Variants in PPIB observed in about 807,000 individuals in gnomAD.
PPIB encodes peptidylprolyl isomerase B.
A neutral mutation model predicts 20.1 loss-of-function variants in PPIB; 15 were observed. The ratio of observed to expected loss-of-function variants is 0.75; its 90% CI spans 0.50 to 1.15. The LOEUF (loss-of-function observed/expected upper bound fraction) is 1.15, where lower values mean the gene tolerates loss of function less well. Ranked by LOEUF, PPIB falls within the 50% of genes most tolerant of loss-of-function variation. The probability of loss-of-function intolerance (pLI) is 0.00; values close to 1 mark genes in which losing one functional copy is unlikely to be tolerated. For missense variants in PPIB, 278 were observed against 283.0 expected (o/e 0.98, Z 0.13); for synonymous variants, 129 against 111.0 (o/e 1.16, Z -1.02).
At position 64,161,955 on chromosome 15, in the gene PPIB, G is replaced by A; in HGVS notation, c.249+86C>T. 2.1e-6 allele frequency: 2 copies of A among 946,062 alleles called. No individual in the cohort carries two copies. Among genetic ancestry groups the A allele is most frequent in the Non-Finnish European group, 3.5e-6 (2 of 572,282 alleles). 58.6% of individuals were successfully genotyped at this position (946,062 alleles called of 1,614,324 possible). On this transcript the variant is annotated intron_variant, in intron 2 of 4. Coordinates refer to ENST00000300026, the MANE Select transcript of PPIB (RefSeq NM_000942.5). The surrounding 1 kb of genome is among the most constrained non-coding windows in gnomAD (Gnocchi z 4.2). ...CTCAGTGAGGTCCACGCTACAGATCGGCTGAACTCTGCAGGTCAGTTTGCT... is the reference window on the plus strand; with the variant it reads ...CTCAGTGAGGTCCACGCTACAGATCAGCTGAACTCTGCAGGTCAGTTTGCT...
At position 64,158,336 on chromosome 15, in the gene PPIB, G is replaced by C. The variant is rs1261835712; in HGVS notation, c.344-1427C>G. Among the ~76,000 whole-genome samples, 1 of 152,158 alleles carries C rather than the reference G, an allele frequency of 6.6e-6. No homozygotes were observed. The highest frequency in any genetic ancestry group is 6.6e-5 in the Admixed American group (1 of 15,266). On this transcript the variant is annotated intron_variant, in intron 3 of 4. Transcript: ENST00000300026. This position sits in a 1 kb window ranked among gnomAD's most constrained non-coding sequence, Gnocchi z 4.7. ...TTACATATTTAACAATCCACTCTATGAGGAGGAGCTAACTCCACTTCAAAG... is the reference window on the plus strand; with the variant it reads ...TTACATATTTAACAATCCACTCTATCAGGAGGAGCTAACTCCACTTCAAAG...
chr15:64,161,273 ATTAAT>A lies in PPIB; in HGVS notation c.249+763_249+767del, dbSNP rs1455355130. ...TACTGCGCCCGGCCTTTTATTTTTA[ATTAAT>A]TTATTTTTTTTTTGAGACAGGGTCT... On this transcript the variant is annotated intron_variant, in intron 2 of 4. Transcript: ENST00000300026. The surrounding 1 kb of genome is among the most constrained non-coding windows in gnomAD (Gnocchi z 4.2). Among the ~76,000 whole-genome samples, 1 of 151,024 alleles carries A rather than the reference ATTAAT, an allele frequency of 6.6e-6. No individual in the cohort carries two copies. The highest frequency in any genetic ancestry group is 1.5e-5 in the Non-Finnish European group (1 of 67,714).
chr15:64,160,111 G>A lies in PPIB; in HGVS notation c.336C>T (p.Gly112=), dbSNP rs868257669. The change falls in exon 3 of 5, where the codon GGC becomes GGT. Residue 112 remains glycine (G), a synonymous_variant. Coordinates refer to ENST00000300026, the MANE Select transcript of PPIB (RefSeq NM_000942.5). The surrounding 1 kb of genome is among the most constrained non-coding windows in gnomAD (Gnocchi z 4.8). ...IQGGDFTRGD[G]TGGKSIYGER... is the part of the protein sequence containing the mutation. Reference sequence around the variant, plus strand: ...CAGAGGACCTGTGGTTACCTCCTGTGCCATCTCCCCTGGTGAAGTCTCCGC... The same window carrying A: ...CAGAGGACCTGTGGTTACCTCCTGTACCATCTCCCCTGGTGAAGTCTCCGC... 2.5e-6 allele frequency: 4 copies of A among 1,612,398 alleles called. No individual in the cohort carries two copies. In the Middle Eastern group the frequency reaches 6.6e-4, roughly 266 times the overall value.
chr15:64,161,742 T>C lies in PPIB; in HGVS notation c.249+299A>G, dbSNP rs2081564740. 6.6e-6 allele frequency among the ~76,000 whole-genome samples: 1 copy of C among 150,964 alleles called. No homozygotes were observed. On this transcript the variant is annotated intron_variant, in intron 2 of 4. Coordinates refer to ENST00000300026, the MANE Select transcript of PPIB (RefSeq NM_000942.5). The surrounding 1 kb of genome is among the most constrained non-coding windows in gnomAD (Gnocchi z 4.2). ...CTCCGTCTCAAAAAAAAAAAAAAATTTGCGGGGGTAGAGACAGGGTCTTGC... is the reference window on the plus strand; with the variant it reads ...CTCCGTCTCAAAAAAAAAAAAAAATCTGCGGGGGTAGAGACAGGGTCTTGC...
At position 64,155,954 on chromosome 15, in the gene PPIB, A is replaced by C; in HGVS notation, c.*69T>G. The C allele has an allele frequency of 4.3e-6, 7 of 1,611,564 alleles. No homozygotes were observed. The highest frequency in any genetic ancestry group is 5.9e-6 in the Non-Finnish European group (7 of 1,179,078). On this transcript the variant is annotated 3_prime_UTR_variant, in exon 5 of 5. Coordinates refer to ENST00000300026, the MANE Select transcript of PPIB (RefSeq NM_000942.5). Reference sequence around the variant, plus strand: ...CAGATGCCAGCACCGGGGCCAGTGCAGCTCAGAGCCCTGTGGCGGACTACA... The same window carrying C: ...CAGATGCCAGCACCGGGGCCAGTGCCGCTCAGAGCCCTGTGGCGGACTACA...
Position 64,155,990 on chromosome 15 carries a change from A to G in PPIB, c.*33T>C. The G allele has an allele frequency of 1.2e-6, 2 of 1,614,018 alleles. No individual in the cohort carries two copies. Among genetic ancestry groups the G allele is most frequent in the Admixed American group, 1.7e-5 (1 of 60,032 alleles). On this transcript the variant is annotated 3_prime_UTR_variant, in exon 5 of 5. Coordinates refer to ENST00000300026, the MANE Select transcript of PPIB (RefSeq NM_000942.5). Reference sequence around the variant, plus strand: ...CTGTGGCGGACTACAGGGCCTGCACAGACGGTCACTCAAAGAAAGATGTCC... The same window carrying G: ...CTGTGGCGGACTACAGGGCCTGCACGGACGGTCACTCAAAGAAAGATGTCC...
chr15:64,158,733 G>A lies in PPIB; in HGVS notation c.343+1371C>T, dbSNP rs574060423. Among the ~76,000 whole-genome samples, 10 of 152,302 alleles carry A rather than the reference G, an allele frequency of 6.6e-5. No individual in the cohort carries two copies. The highest frequency in any genetic ancestry group is 2.4e-4 in the African/African-American group (10 of 41,582). On this transcript the variant is annotated intron_variant, in intron 3 of 4. Coordinates refer to ENST00000300026, the MANE Select transcript of PPIB (RefSeq NM_000942.5). This position sits in a 1 kb window ranked among gnomAD's most constrained non-coding sequence, Gnocchi z 4.7. ...CAAGCTCCTGCCACAGAACAGCACC[G>A]GGCTCATGCCCTAACCCTGCCTCTT... is the stretch of plus-strand genomic sequence containing the variant.
At position 64,162,835 on chromosome 15, in the gene PPIB, C is replaced by G; in HGVS notation, c.135+17G>C. ...GCCCGAGCTCCGGCACCGTAAATGC[C>G]GCGGACTCCACCGGACCTTGACGGT... On this transcript the variant is annotated intron_variant, in intron 1 of 4. Transcript: ENST00000300026. The G allele has an allele frequency of 1.9e-6, 3 of 1,608,192 alleles. No individual in the cohort carries two copies. The highest frequency in any genetic ancestry group is 2.2e-5 in the East Asian group (1 of 44,608).
rs2081538239 is a variant in PPIB at position 64,157,018 on chromosome 15, T to A, written c.344-109A>T. ...ACCTGTCCTCTGTGCCAGGCTAGGC[T>A]GGAGTGGACTACAAGGACATAAAAG... On this transcript the variant is annotated intron_variant, in intron 3 of 4. Transcript: ENST00000300026. The surrounding 1 kb of genome is among the most constrained non-coding windows in gnomAD (Gnocchi z 4.2). 1.7e-6 allele frequency: 2 copies of A among 1,167,280 alleles called. No individual in the cohort carries two copies. Among genetic ancestry groups the A allele is most frequent in the Admixed American group, 4.3e-5 (2 of 46,702 alleles). 72.3% of individuals were successfully genotyped at this position (1,167,280 alleles called of 1,614,324 possible).
chr15:64,156,535 A>G lies in PPIB; in HGVS notation c.528+190T>C, dbSNP rs899749857. On this transcript the variant is annotated intron_variant, in intron 4 of 4. Coordinates refer to ENST00000300026, the MANE Select transcript of PPIB (RefSeq NM_000942.5). This position sits in a 1 kb window ranked among gnomAD's most constrained non-coding sequence, Gnocchi z 6.4. ...GTGCAGCCTTCCTGGCTGGGCTCTG[A>G]GGGGGCTGGAAGAATTTAGAACCTT... 6.6e-6 allele frequency: 5 copies of G among 757,496 alleles called. 1 individual carries two copies. Among genetic ancestry groups the G allele is most frequent in the Non-Finnish European group, 6.7e-6 (3 of 445,422 alleles). The allele number at this position is 757,496 out of a possible 1,614,324, so 46.9% of individuals were successfully genotyped here. A position where few individuals can be genotyped will look rare whatever the true frequency, so the allele number is the denominator to read the frequency against.
chr15:64,157,016 G>T lies in PPIB; in HGVS notation c.344-107C>A. The T allele has an allele frequency of 2.5e-6, 3 of 1,199,530 alleles. No individual in the cohort carries two copies. Among genetic ancestry groups the T allele is most frequent in the Non-Finnish European group, 3.6e-6 (3 of 843,230 alleles). 74.3% of individuals were successfully genotyped at this position (1,199,530 alleles called of 1,614,324 possible). ...TAACCTGTCCTCTGTGCCAGGCTAG[G>T]CTGGAGTGGACTACAAGGACATAAA... On this transcript the variant is annotated intron_variant, in intron 3 of 4. Coordinates refer to ENST00000300026, the MANE Select transcript of PPIB (RefSeq NM_000942.5). The surrounding 1 kb of genome is among the most constrained non-coding windows in gnomAD (Gnocchi z 4.2).
In PPIB at chr15:64,155,833, ACC is replaced by A; in HGVS notation, c.*188_*189del. Reference sequence around the variant, plus strand: ...CACATTATATATTAAAAAAAAAAAAACCCACATTTTTTTTTATTGGTCAGTGT... The same window carrying A: ...CACATTATATATTAAAAAAAAAAAAACACATTTTTTTTTATTGGTCAGTGT... On this transcript the variant is annotated 3_prime_UTR_variant, in exon 5 of 5. Coordinates refer to ENST00000300026, the MANE Select transcript of PPIB (RefSeq NM_000942.5). The A allele has an allele frequency of 2.5e-6, 2 of 792,740 alleles. No individual in the cohort carries two copies. Among genetic ancestry groups the A allele is most frequent in the Non-Finnish European group, 3.9e-6 (2 of 508,770 alleles). The allele number at this position is 792,740 out of a possible 1,614,324, so 49.1% of individuals were successfully genotyped here.
In PPIB at chr15:64,160,092, A is replaced by G. The variant is rs1364961291; in HGVS notation, c.343+12T>C. On this transcript the variant is annotated intron_variant, in intron 3 of 4. Transcript: ENST00000300026. This position sits in a 1 kb window ranked among gnomAD's most constrained non-coding sequence, Gnocchi z 4.8. ...ACTGACATACTCCTTGGCCCAGAGG[A>G]CCTGTGGTTACCTCCTGTGCCATCT... 1 of 1,596,980 alleles carries G rather than the reference A, an allele frequency of 6.3e-7. No individual in the cohort carries two copies. The highest frequency in any genetic ancestry group is 8.6e-7 in the Non-Finnish European group (1 of 1,164,464).
Position 64,156,465 on chromosome 15 carries a change from C to T in PPIB, c.528+260G>A. 1.6e-6 allele frequency: 1 copy of T among 619,924 alleles called. No homozygotes were observed. The highest frequency in any genetic ancestry group is 2.9e-6 in the Non-Finnish European group (1 of 349,950). 38.4% of individuals were successfully genotyped at this position (619,924 alleles called of 1,614,324 possible). On this transcript the variant is annotated intron_variant, in intron 4 of 4. Transcript: ENST00000300026. The surrounding 1 kb of genome is among the most constrained non-coding windows in gnomAD (Gnocchi z 6.4). ...CACTCTGTATACCTCAGGGGTGGGA[C>T]CAGCACGTCACTGAGTGAAGGAGGG...
rs575495858 is a variant in PPIB, at chr15:64,160,269, C to T, written c.250-72G>A. ...AAGACATTACATTAAATAGGCCTCA[C>T]AGGAACAAGTCCACAACTCCTGCTC... On this transcript the variant is annotated intron_variant, in intron 2 of 4. Coordinates refer to ENST00000300026, the MANE Select transcript of PPIB (RefSeq NM_000942.5). This position sits in a 1 kb window ranked among gnomAD's most constrained non-coding sequence, Gnocchi z 4.8. The T allele has an allele frequency of 2.5e-6, 3 of 1,220,694 alleles. No homozygotes were observed. Among genetic ancestry groups the T allele is most frequent in the Non-Finnish European group, 3.6e-6 (3 of 824,450 alleles). 75.6% of individuals were successfully genotyped at this position (1,220,694 alleles called of 1,614,324 possible).
rs934606957 is a variant in PPIB, at chr15:64,157,250, C to T, written c.344-341G>A. ...GGAGGGACTTTGGTGGAGGGAAGTG[C>T]CGTGCAGGATGCAGGGGAGTCAACA... On this transcript the variant is annotated intron_variant, in intron 3 of 4. Transcript: ENST00000300026. This position sits in a 1 kb window ranked among gnomAD's most constrained non-coding sequence, Gnocchi z 4.2. The T allele has an allele frequency of 2.7e-6, 1 of 364,552 alleles. No homozygotes were observed. Among genetic ancestry groups the T allele is most frequent in the Admixed American group, 4.0e-5 (1 of 24,802 alleles). The allele number at this position is 364,552 out of a possible 1,614,324, so 22.6% of individuals were successfully genotyped here.
At chr15:64,162,002 A>C in intron 2 of PPIB, 39 bp downstream of exon 2, 5 of 1,473,104 alleles carry the variant, frequency 3.4e-6, no homozygotes, top group Non-Finnish European at 4.8e-6. Flanking sequence ...TGCCAATTTC[A>C]CTTCATGTGA....
At position 64,159,437 on chromosome 15, in the gene PPIB, G is replaced by T. The variant is rs1167762373; in HGVS notation, c.343+667C>A. On this transcript the variant is annotated intron_variant, in intron 3 of 4. Transcript: ENST00000300026. The surrounding 1 kb of genome is among the most constrained non-coding windows in gnomAD (Gnocchi z 5.1). The stretch of plus-strand genomic sequence containing the variant: ...TTTTTTTGAGATGGAGTCTCGCTCT[G>T]TCGCCCAGGCTGGAGTGCAGTGGCG... 6.5e-6 allele frequency: 1 copy of T among 153,924 alleles called. No homozygotes were observed. The highest frequency in any genetic ancestry group is 1.4e-5 in the Non-Finnish European group (1 of 69,320). The allele number at this position is 153,924 out of a possible 1,614,324, so 9.5% of individuals were successfully genotyped here.
chr15:64,161,954 C>T lies in PPIB; in HGVS notation c.249+87G>A, dbSNP rs548416285. On this transcript the variant is annotated intron_variant, in intron 2 of 4. Coordinates refer to ENST00000300026, the MANE Select transcript of PPIB (RefSeq NM_000942.5). This position sits in a 1 kb window ranked among gnomAD's most constrained non-coding sequence, Gnocchi z 4.2. ...GCTCAGTGAGGTCCACGCTACAGATCGGCTGAACTCTGCAGGTCAGTTTGC... is the reference window on the plus strand; with the variant it reads ...GCTCAGTGAGGTCCACGCTACAGATTGGCTGAACTCTGCAGGTCAGTTTGC... 35 of 933,944 alleles carry T rather than the reference C, an allele frequency of 3.7e-5. No homozygotes were observed. Among genetic ancestry groups the T allele is most frequent in the Middle Eastern group, 2.8e-4 (1 of 3,578 alleles). 57.9% of individuals were successfully genotyped at this position (933,944 alleles called of 1,614,324 possible).
Sources: gnomAD v4.1 joint callset for allele counts (sites outside exome capture counted in the v4.1 genomes callset) on GRCh38, gnomAD v4.1.1 for gene constraint, Gnocchi (gnomAD v3.1) non-coding constraint, MANE v1.5 for transcripts, NCBI Gene and HGNC (gene_info 2026-07-23, HGNC 2026-07-21) for gene names.